The following GPC5 variants were observed in gnomAD, a reference collection of about 807,000 sequenced individuals.
The protein encoded by GPC5 is glypican 5.
GPC5 carries 47 observed loss-of-function variants against 53.9 expected under a neutral mutation model. The ratio of observed to expected loss-of-function variants is 0.87; its 90% CI spans 0.69 to 1.11. The LOEUF (loss-of-function observed/expected upper bound fraction) is 1.11, where lower values mean the gene tolerates loss of function less well. GPC5 is among the 50% of genes most tolerant of loss of function. GPC5 has a pLI of 0.00. For synonymous variants in GPC5, 286 were observed against 263.3 expected (o/e 1.09, Z -0.84); for missense variants, 748 against 713.1 (o/e 1.05, Z -0.56).
chr13:91,997,101 T>C (rs890294471), intron 6 of GPC5, among the ~76,000 whole-genome samples: 1 of 152,144 alleles, frequency 6.6e-6, no homozygotes, highest in East Asian at 1.9e-4. Flanking sequence ...CTATGGAGTA[T>C]AGCTGTAAGC....
chr13:91,828,457 C>T (rs1441682469), intron 5 of GPC5, among the ~76,000 whole-genome samples: 1 of 151,910 alleles, frequency 6.6e-6, no homozygotes, highest in Admixed American at 6.6e-5. Flanking sequence ...TTAAGAGTAC[C>T]TCACAGCAAT....
intron 2 of GPC5, among the ~76,000 whole-genome samples, chr13:91,544,109 G>A (rs1320985983): frequency 6.6e-6 from 1 of 151,356 alleles, no homozygotes; most frequent in Non-Finnish European, 1.5e-5. Context: ...CTTTACAGTG[G>A]TTAAAAAAAA....
At chr13:92,650,207 G>T (rs902198874) in intron 7 of GPC5, among the ~76,000 whole-genome samples, 6 of 151,998 alleles carry the variant, frequency 3.9e-5, no homozygotes, top group African/African-American at 1.4e-4. Context: ...ATCATTTAGG[G>T]TTTTGAATTT....
At chr13:92,383,313 A>G (rs935277564) in intron 7 of GPC5, among the ~76,000 whole-genome samples, 1 of 152,196 alleles carries the variant, frequency 6.6e-6, no homozygotes, top group Admixed American at 6.5e-5. Flanking sequence ...AAATGATTAT[A>G]GTACTTGTTT....
chr13:91,819,326 A>AT (rs1276646246), intron 5 of GPC5, among the ~76,000 whole-genome samples: 3 of 151,332 alleles, frequency 2.0e-5, no homozygotes, highest in African/African-American at 7.3e-5. Context: ...CGCCCAGCTA[A>AT]TTTTTTGTAT....
At chr13:91,444,691 T>TA (rs1880665234) in intron 1 of GPC5, among the ~76,000 whole-genome samples, 1 of 152,224 alleles carries the variant, frequency 6.6e-6, no homozygotes, top group Admixed American at 6.5e-5. Flanking sequence ...TGATTTCACT[T>TA]ACAGCATTTC....
Position 92,700,332 on chromosome 13 carries a change from GTCTTTGCACATGAGA to G in GPC5, c.1562-165948_1562-165934del, listed in dbSNP as rs578203147. ...ATCCCTTTATTTTGAGCCTATGTGT[GTCTTTGCACATGAGA>G]TGGGTCTCCTGCATACAGCACTCTG... On this transcript the variant is annotated intron_variant, in intron 7 of 7. Coordinates refer to ENST00000377067, the MANE Select transcript of GPC5 (RefSeq NM_004466.6). 2.1e-3 allele frequency among the ~76,000 whole-genome samples: 292 copies of G among 137,412 alleles called. 1 individual carries two copies. Among genetic ancestry groups the G allele is most frequent in the African/African-American group, 7.6e-3 (279 of 36,918 alleles). 90.1% of individuals were successfully genotyped at this position (137,412 alleles called of 152,430 possible).
chr13:91,932,604 G>T (rs1385010185), intron 6 of GPC5, among the ~76,000 whole-genome samples: 1 of 151,892 alleles, frequency 6.6e-6, no homozygotes, highest in Admixed American at 6.6e-5. Context: ...AGTCATTTGG[G>T]CTTAACATTT....
intron 7 of GPC5, among the ~76,000 whole-genome samples, chr13:92,156,756 T>C (rs1207923618): frequency 6.6e-6 from 1 of 152,126 alleles, no homozygotes; most frequent in Non-Finnish European, 1.5e-5. Context: ...ATTTTATAAG[T>C]AAATAAAATA....
chr13:92,028,725 T>C (rs908310588), intron 6 of GPC5, among the ~76,000 whole-genome samples: 1 of 152,172 alleles, frequency 6.6e-6, no homozygotes, highest in Non-Finnish European at 1.5e-5. Flanking sequence ...ACTAACTCTT[T>C]TGAATATCTG....
At chr13:92,774,992 A>G (rs1226527927) in intron 7 of GPC5, among the ~76,000 whole-genome samples, 1 of 152,204 alleles carries the variant, frequency 6.6e-6, no homozygotes, top group African/African-American at 2.4e-5. Flanking sequence ...CTAGGCTGAA[A>G]GGACACCAGC....
rs139865871 is a variant in GPC5 at position 91,478,814 on chromosome 13, TATATATATAC to T, written c.325+29894_325+29903del. Among the ~76,000 whole-genome samples the T allele has an allele frequency of 7.2e-3, 868 of 120,484 alleles. 51 individuals carry two copies. Among genetic ancestry groups the T allele is most frequent in the African/African-American group, 0.027 (792 of 28,874 alleles). The allele number at this position is 120,484 out of a possible 152,430, so 79.0% of individuals were successfully genotyped here. A position where few individuals can be genotyped will look rare whatever the true frequency, so the allele number is the denominator to read the frequency against. On this transcript the variant is annotated intron_variant, in intron 2 of 7. Coordinates refer to ENST00000377067, the MANE Select transcript of GPC5 (RefSeq NM_004466.6). The stretch of plus-strand genomic sequence containing the variant: ...TTGAGTTTATATATATATATATATA[TATATATATAC>T]ACACACACACATATATATACACATT...
At chr13:91,734,826 T>C (rs2036779776) in intron 4 of GPC5, among the ~76,000 whole-genome samples, 2 of 151,404 alleles carry the variant, frequency 1.3e-5, no homozygotes. Context: ...AGTTATTTTC[T>C]TATCGTTCTT....
chr13:92,853,025 G>C (rs146041695), intron 7 of GPC5, among the ~76,000 whole-genome samples: 3 of 152,094 alleles, frequency 2.0e-5, no homozygotes, highest in African/African-American at 4.8e-5. Context: ...TTAGAGTTTC[G>C]ACCAGCTTTT....
At chr13:91,643,786 C>A (rs371549147) in intron 2 of GPC5, among the ~76,000 whole-genome samples, 12 of 152,064 alleles carry the variant, frequency 7.9e-5, no homozygotes, top group African/African-American at 2.9e-4. Context: ...TGTCTCTGTC[C>A]AAATTCCCCT....
intron 2 of GPC5, among the ~76,000 whole-genome samples, chr13:91,676,616 C>T (rs1594415979): frequency 6.6e-6 from 1 of 151,972 alleles, no homozygotes. Context: ...TTCTTTTGTA[C>T]CCTCCCTCAC....
At chr13:92,628,264 C>CTGTTTTTTTTTTTT (rs1885114961) in intron 7 of GPC5, among the ~76,000 whole-genome samples, 1 of 45,338 alleles carries the variant, frequency 2.2e-5, no homozygotes, top group Admixed American at 2.8e-4. Flanking sequence ...CTTTTTCTTT[C>CTGTTTTTTTTTTTT]TTTTTTTTTT....
intron 2 of GPC5, among the ~76,000 whole-genome samples, chr13:91,628,326 A>C (rs2034063980): frequency 6.6e-6 from 1 of 152,126 alleles, no homozygotes; most frequent in Non-Finnish European, 1.5e-5. Context: ...TGCTAATAAT[A>C]ATATATGAAA....
At chr13:91,520,987 C>T (rs1395739572) in intron 2 of GPC5, among the ~76,000 whole-genome samples, 1 of 151,860 alleles carries the variant, frequency 6.6e-6, no homozygotes, top group Admixed American at 6.6e-5. Context: ...ATTTTAAATT[C>T]TCATAGTTAC....
Sources: gnomAD v4.1 joint callset for allele counts (sites outside exome capture counted in the v4.1 genomes callset) on GRCh38, gnomAD v4.1.1 for gene constraint, MANE v1.5 for transcripts, NCBI Gene and HGNC (gene_info 2026-07-23, HGNC 2026-07-21) for gene names.